The following MACROD1 variants were observed in gnomAD, a reference collection of about 807,000 sequenced individuals.
MACROD1 encodes the protein ADP-ribose glycohydrolase MACROD1.
In MACROD1, 31 loss-of-function variants were observed where a neutral mutation model predicts 41.4. The observed-to-expected ratio is 0.75, with a 90% CI of 0.56 to 1.01. The LOEUF is 1.01. Among genes scored for constraint, MACROD1 ranks in the 50% least tolerant of loss-of-function variants. The pLI is 0.00. For missense variants in MACROD1, 473 were observed against 460.0 expected (o/e 1.03, Z -0.26); for synonymous variants, 252 against 203.4 (o/e 1.24, Z -2.03).
intron 3 of MACROD1, 66 bp from the exon 4 acceptor site, chr11:64,015,347 G>C: frequency 6.7e-7 from 1 of 1,484,050 alleles, no homozygotes; most frequent in Non-Finnish European, 9.2e-7. Context: ...TCAGCCTTGA[G>C]GGGAGGGTGA....
intron 3 of MACROD1, among the ~76,000 whole-genome samples, chr11:64,078,212 A>C (rs962784474): frequency 6.6e-5 from 10 of 152,110 alleles, no homozygotes; most frequent in Non-Finnish European, 1.0e-4. Context: ...GGCCATGCCC[A>C]TGCCCAGTAG....
At chr11:64,017,876 G>A (rs11231677) in intron 3 of MACROD1, among the ~76,000 whole-genome samples, 76,247 of 152,028 alleles carry the variant, frequency 0.5, 19,386 homozygotes, top group East Asian at 0.81. Flanking sequence ...GGTTGGCAGC[G>A]AGCCTCGAAG....
At chr11:64,101,332 A>G (rs1400318630) in intron 3 of MACROD1, among the ~76,000 whole-genome samples, 1 of 152,180 alleles carries the variant, frequency 6.6e-6, no homozygotes, top group African/African-American at 2.4e-5. Flanking sequence ...CTCAGGATAA[A>G]GCCGAGAAGC....
At chr11:64,002,257 G>A (rs1219608657) in intron 4 of MACROD1, among the ~76,000 whole-genome samples, 3 of 152,212 alleles carry the variant, frequency 2.0e-5, no homozygotes, top group East Asian at 1.9e-4. Flanking sequence ...GGGGCTCACC[G>A]CCCTGCAGGC....
At chr11:64,016,117 G>A (rs1468084081) in intron 3 of MACROD1, among the ~76,000 whole-genome samples, 1 of 151,634 alleles carries the variant, frequency 6.6e-6, no homozygotes, top group African/African-American at 2.4e-5. Context: ...CTTTGTGGCT[G>A]CCACCTTCCT....
At position 64,053,268 on chromosome 11, in the gene MACROD1, C is replaced by T. The variant is rs535815050; in HGVS notation, c.518-37987G>A. The stretch of plus-strand genomic sequence containing the variant: ...TGGTGCCTCAGTACACCTTGGGCCT[C>T]GTTAGGAGGTAGTTTTCCTGGCTTT... On this transcript the variant is annotated intron_variant, in intron 3 of 10. Coordinates refer to ENST00000255681, the MANE Select transcript of MACROD1 (RefSeq NM_014067.4). Among the ~76,000 whole-genome samples the T allele has an allele frequency of 2.6e-5, 4 of 152,234 alleles. No homozygotes were observed. The South Asian group carries it at 6.2e-4, about 24-fold the overall frequency.
intron 3 of MACROD1, among the ~76,000 whole-genome samples, chr11:64,052,026 C>A (rs1279860622): frequency 4.6e-5 from 7 of 151,554 alleles, no homozygotes; most frequent in African/African-American, 1.7e-4. Flanking sequence ...TGCTAATGAA[C>A]TTGGCTGGTA....
At position 64,082,329 on chromosome 11, in the gene MACROD1, TC is replaced by T. The variant is rs1944318705; in HGVS notation, c.518-67049del. On this transcript the variant is annotated intron_variant, in intron 3 of 10. Coordinates refer to ENST00000255681, the MANE Select transcript of MACROD1 (RefSeq NM_014067.4). The surrounding 1 kb of genome is among the most constrained non-coding windows in gnomAD (Gnocchi z 4.5). ...AGCAGAGACGCTGGGTGGAGGATGA[TC>T]CGGGGGGACCGTGGAAGGCAGGACG... 6.6e-6 allele frequency among the ~76,000 whole-genome samples: 1 copy of T among 151,130 alleles called. No homozygotes were observed. The highest frequency in any genetic ancestry group is 1.9e-4 in the East Asian group (1 of 5,136).
intron 3 of MACROD1, among the ~76,000 whole-genome samples, chr11:64,050,285 G>T (rs1943668499): frequency 6.6e-6 from 1 of 152,114 alleles, no homozygotes; most frequent in Admixed American, 6.5e-5. Context: ...TGGCTCCCCA[G>T]GACTCACAGC....
chr11:64,033,167 ATAAC>A (rs1249099241), intron 3 of MACROD1, among the ~76,000 whole-genome samples: 1 of 152,210 alleles, frequency 6.6e-6, no homozygotes, highest in Non-Finnish European at 1.5e-5. Flanking sequence ...TTGCTAAGCC[ATAAC>A]TGTCTAGGTG....
chr11:64,123,015 G>C (rs1035737525), intron 3 of MACROD1, among the ~76,000 whole-genome samples: 13 of 152,112 alleles, frequency 8.5e-5, no homozygotes, highest in African/African-American at 3.1e-4. Flanking sequence ...GAGGAGGCTG[G>C]GGCTTCTGAG....
chr11:64,111,666 G>A (rs192745184), intron 3 of MACROD1, among the ~76,000 whole-genome samples: 202 of 152,310 alleles, frequency 1.3e-3, no homozygotes, highest in African/African-American at 4.5e-3. Flanking sequence ...GGGGGTGGGT[G>A]AGGTCTGGCC....
At chr11:64,157,134 C>T (rs1304573931) in intron 1 of MACROD1, among the ~76,000 whole-genome samples, 4 of 152,080 alleles carry the variant, frequency 2.6e-5, no homozygotes, top group Admixed American at 2.0e-4. Flanking sequence ...ACTCTGTCAC[C>T]CAGGCTGGAG....
chr11:64,052,288 C>T (rs1415817564), intron 3 of MACROD1, among the ~76,000 whole-genome samples: 3 of 152,120 alleles, frequency 2.0e-5, no homozygotes, highest in Non-Finnish European at 4.4e-5. Context: ...GCTGTGAGGC[C>T]TTGAAACAAT....
chr11:64,075,957 G>A (rs2701548), intron 3 of MACROD1, among the ~76,000 whole-genome samples: 23,721 of 152,184 alleles, frequency 0.16, 2,755 homozygotes, highest in African/African-American at 0.33. Flanking sequence ...TGCAGGCGTG[G>A]GCCACTGTGC....
intron 4 of MACROD1, among the ~76,000 whole-genome samples, chr11:64,002,833 CCTTCCCT>C (rs200042778): frequency 0.011 from 1,655 of 152,298 alleles, 34 homozygotes; most frequent in African/African-American, 0.038. Flanking sequence ...AGATGCCCTT[CCTTCCCT>C]CTTCCCTCTT....
chr11:64,029,254 C>T (rs771595105), intron 3 of MACROD1, among the ~76,000 whole-genome samples: 65 of 152,096 alleles, frequency 4.3e-4, no homozygotes, highest in Non-Finnish European at 8.5e-4. Context: ...AGGCTGAGGC[C>T]ATAAAGCAGC....
chr11:64,085,477 T>G (rs7933551), intron 3 of MACROD1, among the ~76,000 whole-genome samples: 9,530 of 152,308 alleles, frequency 0.063, 396 homozygotes, highest in East Asian at 0.26. Flanking sequence ...GCCATGTGTC[T>G]GGGGCGGCCG....
intron 3 of MACROD1, among the ~76,000 whole-genome samples, chr11:64,086,062 T>C (rs1217281480): frequency 1.3e-5 from 2 of 152,124 alleles, no homozygotes; most frequent in African/African-American, 4.8e-5. Flanking sequence ...TCCCTCCCTA[T>C]GGAGCCCTGG....
Sources: gnomAD v4.1 joint callset for allele counts (sites outside exome capture counted in the v4.1 genomes callset) on GRCh38, gnomAD v4.1.1 for gene constraint, Gnocchi (gnomAD v3.1) non-coding constraint, MANE v1.5 for transcripts, NCBI Gene and HGNC (gene_info 2026-07-23, HGNC 2026-07-21) for gene names.